Variants in ADGRL2 observed in about 807,000 individuals in gnomAD.
The protein encoded by ADGRL2 is adhesion G protein-coupled receptor L2.
A neutral mutation model predicts 157.4 loss-of-function variants in ADGRL2; 44 were observed. The ratio of observed to expected loss-of-function variants is 0.28; its 90% CI spans 0.22 to 0.36. ADGRL2 has a LOEUF of 0.36. Ranked by LOEUF, ADGRL2 falls within the 10% of genes least tolerant of loss-of-function variation. The pLI, the probability that ADGRL2 is intolerant of heterozygous loss-of-function variation, is 1.00. For synonymous variants in ADGRL2, 585 were observed against 624.7 expected, an observed-to-expected ratio of 0.94 and a Z score of 0.95; for missense variants, 1,510 against 1,768.9, an observed-to-expected ratio of 0.85 and a Z score of 2.63.
intron 1 of ADGRL2, among the ~76,000 whole-genome samples, chr1:81,748,467 CAAAAAAAAAA>C (rs973818702): frequency 3.3e-4 from 14 of 42,422 alleles, no homozygotes; most frequent in African/African-American, 1.1e-3. Flanking sequence ...GATTCCGTCT[CAAAAAAAAAA>C]AAAAAAAAAA....
chr1:81,440,967 G>A (rs562782136), intron 1 of ADGRL2, among the ~76,000 whole-genome samples: 1 of 152,240 alleles, frequency 6.6e-6, no homozygotes, highest in Admixed American at 6.5e-5. Flanking sequence ...TTTAGACTAA[G>A]CTTAAACATA....
chr1:81,485,253 G>A (rs1049501978), intron 2 of ADGRL2, among the ~76,000 whole-genome samples: 13 of 151,696 alleles, frequency 8.6e-5, no homozygotes, highest in Non-Finnish European at 1.8e-4. Flanking sequence ...AAAATCATTA[G>A]GGAATTTTCA....
intron 1 of ADGRL2, among the ~76,000 whole-genome samples, chr1:81,804,892 C>G (rs1316459637): frequency 1.3e-5 from 2 of 152,232 alleles, no homozygotes; most frequent in East Asian, 3.9e-4. Context: ...ACGTAGGTAA[C>G]TGTTTTTTAT....
intron 1 of ADGRL2, among the ~76,000 whole-genome samples, chr1:81,420,523 A>G (rs974556102): frequency 3.9e-5 from 6 of 152,186 alleles, no homozygotes; most frequent in African/African-American, 1.4e-4. Flanking sequence ...GCTCAGCATG[A>G]TTTTTCATAC....
At chr1:81,720,922 T>C (rs1205948068) in intron 1 of ADGRL2, among the ~76,000 whole-genome samples, 3 of 150,078 alleles carry the variant, frequency 2.0e-5, no homozygotes, top group African/African-American at 7.3e-5. Flanking sequence ...TATATTAACA[T>C]AAATAAATAA....
chr1:81,557,715 A>C (rs2080343698), intron 2 of ADGRL2: 1 of 152,154 alleles, frequency 6.6e-6, no homozygotes, highest in Non-Finnish European at 1.5e-5. Flanking sequence ...CCGCCGAAGT[A>C]CTGTTAGAAG....
chr1:81,530,794 A>G (rs2079578645), intron 2 of ADGRL2, among the ~76,000 whole-genome samples: 1 of 152,086 alleles, frequency 6.6e-6, no homozygotes, highest in African/African-American at 2.4e-5. Flanking sequence ...TTAGAAAGTT[A>G]AATACCTGGG....
At chr1:81,744,866 AAT>A (rs1378340712) in intron 1 of ADGRL2, among the ~76,000 whole-genome samples, 2 of 152,200 alleles carry the variant, frequency 1.3e-5, no homozygotes, top group Non-Finnish European at 2.9e-5. Flanking sequence ...ATGTTTGAAG[AAT>A]ATGTTTCGTG....
Position 81,422,172 on chromosome 1 carries a change from A to T in ADGRL2, c.-301-22864A>T, listed in dbSNP as rs183505693. ...CCTTCCAAAAAATATCCACATATTT[A>T]CATCTCTCAAACTTCTTTTTTTTTT... On this transcript the variant is annotated intron_variant, in intron 1 of 24. Transcript: ENST00000370721. Among the ~76,000 whole-genome samples, 59 of 124,736 alleles carry T rather than the reference A, an allele frequency of 4.7e-4. No homozygotes were observed. The East Asian group carries it at 8.8e-3, about 19-fold the overall frequency. The allele number at this position is 124,736 out of a possible 152,430, so 81.8% of individuals were successfully genotyped here.
chr1:81,990,470 G>C lies in ADGRL2; in HGVS notation c.3735G>C (p.Ser1245=), dbSNP rs138002220. The C allele has an allele frequency of 6.2e-7, 1 of 1,614,056 alleles. No homozygotes were observed. Residue 1245 remains serine (S), a synonymous_variant, in exon 24 of 24, where the codon TCG becomes TCC. Coordinates refer to ENST00000686636, the MANE Select transcript of ADGRL2 (RefSeq NM_001366006.2). ...ATGGTAATTTTAACAACAGCTACTC[G>C]CTGCACAAGGGTGACTATAATGACA... ...PLNGNFNNSY[S]LHKGDYNDSV...
chr1:81,654,153 C>T (rs7530374), intron 3 of ADGRL2, among the ~76,000 whole-genome samples: 11,577 of 152,108 alleles, frequency 0.076, 602 homozygotes, highest in Middle Eastern at 0.21. Context: ...ACCACGTTGG[C>T]CAGGCTGGTC....
intron 2 of ADGRL2, among the ~76,000 whole-genome samples, chr1:81,481,669 G>A (rs1047296598): frequency 2.0e-5 from 3 of 152,128 alleles, no homozygotes; most frequent in African/African-American, 7.2e-5. Context: ...GCTAAATAAG[G>A]TGAAATGAGG....
At chr1:81,754,551 C>G (rs2085610962) in intron 1 of ADGRL2, among the ~76,000 whole-genome samples, 1 of 128,752 alleles carries the variant, frequency 7.8e-6, no homozygotes, top group Admixed American at 9.2e-5. Context: ...TTCCTTCTTT[C>G]TTTCTCTCTT....
At chr1:81,899,070 C>T (rs534617753) in intron 2 of ADGRL2, among the ~76,000 whole-genome samples, 51 of 152,130 alleles carry the variant, frequency 3.4e-4, no homozygotes, top group Middle Eastern at 3.4e-3. Flanking sequence ...GTATTTAGTT[C>T]AAAGTAATTA....
intron 3 of ADGRL2, among the ~76,000 whole-genome samples, chr1:81,916,038 C>A (rs1290153173): frequency 6.6e-6 from 1 of 152,088 alleles, no homozygotes; most frequent in African/African-American, 2.4e-5. Context: ...TTTCTATTTA[C>A]AAAGTATGAC....
rs535051121 is a variant in ADGRL2 at position 81,545,344 on chromosome 1, C to T, written c.-247-35532C>T. Among the ~76,000 whole-genome samples the T allele has an allele frequency of 2.2e-3, 335 of 150,590 alleles. 1 individual carries two copies. The highest frequency in any genetic ancestry group is 6.8e-3 in the Middle Eastern group (2 of 292). On this transcript the variant is annotated intron_variant, in intron 2 of 24. Coordinates refer to the ADGRL2 transcript ENST00000370721. ...CTCTTTCGCCCAGGCTGGAGTGCAG[C>T]GATGTGATCTTGGCTGTCTGCAACC...
rs190284331 is a variant in ADGRL2 at position 81,473,577 on chromosome 1, G to A, written c.-248+28488G>A. ...AAATTCAAAATAATATATGTGGCTTGCATTATATTTCTACTGAACTGCACC... is the reference window on the plus strand; with the variant it reads ...AAATTCAAAATAATATATGTGGCTTACATTATATTTCTACTGAACTGCACC... On this transcript the variant is annotated intron_variant, in intron 2 of 24. Transcript: ENST00000370721. 1.6e-4 allele frequency among the ~76,000 whole-genome samples: 25 copies of A among 152,234 alleles called. No individual in the cohort carries two copies. The East Asian group carries it at 4.6e-3, about 28-fold the overall frequency.
upstream of ADGRL2, among the ~76,000 whole-genome samples, chr1:81,696,525 G>A (rs1050937204): frequency 6.6e-6 from 1 of 152,148 alleles, no homozygotes; most frequent in Non-Finnish European, 1.5e-5. Context: ...GGCTGAGGCG[G>A]GCGGATCACA....
chr1:81,951,659 T>TC (rs1651830433), intron 8 of ADGRL2, among the ~76,000 whole-genome samples: 1 of 142,836 alleles, frequency 7.0e-6, no homozygotes, highest in Non-Finnish European at 1.6e-5. Flanking sequence ...AAATAAGACT[T>TC]TAAAATAACA....
Sources: gnomAD v4.1 joint callset for allele counts (sites outside exome capture counted in the v4.1 genomes callset) on GRCh38, gnomAD v4.1.1 for gene constraint, MANE v1.5 for transcripts, NCBI Gene and HGNC (gene_info 2026-07-23, HGNC 2026-07-21) for gene names.